Variants in RIMS2 observed in about 807,000 individuals in gnomAD.
RIMS2 encodes regulating synaptic membrane exocytosis protein 2.
A neutral mutation model predicts 174.4 loss-of-function variants in RIMS2; 59 were observed. That is an observed-to-expected ratio of 0.34 (90% CI 0.27 to 0.42). The LOEUF (loss-of-function observed/expected upper bound fraction) is 0.42. Ranked by LOEUF, RIMS2 falls within the 10% of genes least tolerant of loss-of-function variation. RIMS2 has a pLI of 1.00. For missense variants in RIMS2, 1,620 were observed against 1,666.3 expected, an observed-to-expected ratio of 0.97 and a Z score of 0.48; for synonymous variants, 606 against 572.5, an observed-to-expected ratio of 1.06 and a Z score of -0.84.
intron 2 of RIMS2, among the ~76,000 whole-genome samples, chr8:103,754,429 T>C (rs1453262755): frequency 6.6e-6 from 1 of 152,202 alleles, no homozygotes; most frequent in African/African-American, 2.4e-5. Context: ...GAGACTTCTG[T>C]AGATGTCTAT....
intron 17 of RIMS2, chr8:103,998,045 A>G (rs1596696401): frequency 3.4e-6 from 2 of 595,514 alleles, no homozygotes; most frequent in South Asian, 4.5e-5. Context: ...AGGAGGGGGC[A>G]AGCTTTCCAA....
At chr8:104,029,733 T>C (rs536064666) in intron 19 of RIMS2, among the ~76,000 whole-genome samples, 17 of 152,186 alleles carry the variant, frequency 1.1e-4, no homozygotes, top group Non-Finnish European at 2.4e-4. Context: ...GAAGATAGAA[T>C]GTCATCTATT....
At chr8:103,614,280 C>T (rs762377666) in intron 1 of RIMS2, among the ~76,000 whole-genome samples, 4 of 152,260 alleles carry the variant, frequency 2.6e-5, no homozygotes, top group Admixed American at 6.5e-5. Flanking sequence ...TGGGCACTGG[C>T]GGAGCCCAGC....
chr8:103,763,297 G>A (rs775188519), intron 2 of RIMS2, among the ~76,000 whole-genome samples: 12 of 152,044 alleles, frequency 7.9e-5, no homozygotes, highest in Non-Finnish European at 1.3e-4. Context: ...ATTAGCTGGC[G>A]TGGTGGCACA....
At chr8:103,518,613 T>C (rs1830159893) in intron 1 of RIMS2, among the ~76,000 whole-genome samples, 1 of 152,076 alleles carries the variant, frequency 6.6e-6, no homozygotes, top group South Asian at 2.1e-4. Flanking sequence ...GTATCAGTTG[T>C]TAAATATTTA....
intron 19 of RIMS2, among the ~76,000 whole-genome samples, chr8:104,227,863 A>G (rs1223681255): frequency 5.3e-5 from 8 of 152,154 alleles, no homozygotes; most frequent in Non-Finnish European, 1.5e-5. Context: ...ATTATAGGAA[A>G]ACCATCTAAG....
intron 4 of RIMS2, among the ~76,000 whole-genome samples, chr8:103,897,504 T>C (rs1449264038): frequency 2.0e-5 from 3 of 151,772 alleles, no homozygotes; most frequent in African/African-American, 7.3e-5. Context: ...ATATGCATTT[T>C]ACTCATGCCC....
At chr8:103,667,111 A>G (rs796223538) in intron 1 of RIMS2, among the ~76,000 whole-genome samples, 1 of 152,338 alleles carries the variant, frequency 6.6e-6, no homozygotes, top group African/African-American at 2.4e-5. Context: ...ATCAAAGACC[A>G]AAGAATAAGC....
intron 3 of RIMS2, among the ~76,000 whole-genome samples, chr8:103,870,501 G>T (rs956125422): frequency 1.3e-5 from 2 of 151,878 alleles, no homozygotes; most frequent in African/African-American, 4.8e-5. Flanking sequence ...AATAGAATCT[G>T]CCATGTAGAC....
chr8:103,545,561 A>G (rs1844639394), intron 1 of RIMS2, among the ~76,000 whole-genome samples: 1 of 151,958 alleles, frequency 6.6e-6, no homozygotes, highest in Admixed American at 6.5e-5. Flanking sequence ...ACCATCACTA[A>G]TATACATAGA....
chr8:103,623,553 C>T (rs1394996711), intron 1 of RIMS2, among the ~76,000 whole-genome samples: 1 of 132,090 alleles, frequency 7.6e-6, no homozygotes, highest in African/African-American at 2.9e-5. Context: ...GGCGCGATCT[C>T]GGCTCACTGC....
At chr8:103,554,351 A>G (rs376268382) in intron 1 of RIMS2, among the ~76,000 whole-genome samples, 3 of 152,184 alleles carry the variant, frequency 2.0e-5, no homozygotes, top group East Asian at 3.8e-4. Flanking sequence ...CAAGCAAAAA[A>G]CAAACAGCAC....
chr8:103,569,095 G>A (rs1177592454), intron 1 of RIMS2: 1 of 311,820 alleles, frequency 3.2e-6, no homozygotes, highest in South Asian at 5.3e-5. Flanking sequence ...GTGTTATATC[G>A]AAGGAAACCA....
chr8:104,173,613 A>ATTTTTTTTTTTTTTTTTTTTTTTTTTTT (rs71297262), intron 19 of RIMS2, among the ~76,000 whole-genome samples: 2 of 54,198 alleles, frequency 3.7e-5, no homozygotes, highest in Non-Finnish European at 3.0e-5. Flanking sequence ...AGCTCTTCTG[A>ATTTTTTTTTTTTTTTTTTTTTTTTTTTT]TTTTTTTTTT....
At chr8:103,631,680 GTT>G (rs1312276263) in intron 1 of RIMS2, among the ~76,000 whole-genome samples, 1 of 152,134 alleles carries the variant, frequency 6.6e-6, no homozygotes, top group Non-Finnish European at 1.5e-5. Context: ...GTCATTAGTA[GTT>G]TGATAAAAAT....
chr8:103,686,939 T>C (rs111988485), intron 1 of RIMS2, among the ~76,000 whole-genome samples: 1 of 152,032 alleles, frequency 6.6e-6, no homozygotes, highest in Non-Finnish European at 1.5e-5. Flanking sequence ...TTTGTGTGGT[T>C]TTAGTGACAG....
rs73285170 is a variant in RIMS2, at chr8:103,519,960, G to T, written c.176+18898G>T. Among the ~76,000 whole-genome samples, 762 of 151,938 alleles carry T rather than the reference G, an allele frequency of 5.0e-3. 7 individuals are homozygous for T. The highest frequency in any genetic ancestry group is 0.017 in the African/African-American group (722 of 41,468). On this transcript the variant is annotated intron_variant, in intron 1 of 23. Transcript: ENST00000504942. ...CTGGATTTTTATGACTGCAAATATT[G>T]CTTTCCTGCTTATTTTCCTTCTAAT...
intron 2 of RIMS2, among the ~76,000 whole-genome samples, chr8:103,706,036 A>T (rs1005319186): frequency 3.3e-5 from 5 of 150,972 alleles, no homozygotes; most frequent in Admixed American, 2.6e-4. Context: ...CTGGTATTAT[A>T]TTTTAATTCC....
At chr8:103,767,420 C>A (rs909174954) in intron 3 of RIMS2, among the ~76,000 whole-genome samples, 1 of 152,088 alleles carries the variant, frequency 6.6e-6, no homozygotes, top group Middle Eastern at 3.4e-3. Context: ...TCTCATGACC[C>A]GTGATCTGCC....
Sources: gnomAD v4.1 joint callset for allele counts (sites outside exome capture counted in the v4.1 genomes callset) on GRCh38, gnomAD v4.1.1 for gene constraint, MANE v1.5 for transcripts, NCBI Gene and HGNC (gene_info 2026-07-23, HGNC 2026-07-21) for gene names.